Variants in NME2 observed in about 807,000 individuals in gnomAD.
The protein encoded by NME2 is nucleoside diphosphate kinase B.
NME2 carries 18 observed loss-of-function variants against 17.8 expected under a neutral mutation model. The ratio of observed to expected loss-of-function variants is 1.01; its 90% CI spans 0.70 to 1.50. The LOEUF is 1.50. Among genes scored for constraint, NME2 ranks in the 40% most tolerant of loss-of-function variants. The pLI, the probability that NME2 is intolerant of heterozygous loss-of-function variation, is 0.00. For missense variants in NME2, 161 were observed against 195.6 expected, an observed-to-expected ratio of 0.82 and a Z score of 1.05; for synonymous variants, 74 against 71.4, an observed-to-expected ratio of 1.04 and a Z score of -0.19.
chr17:51,166,245 T>A (rs2049932240), upstream of NME2: 1 of 152,188 alleles, frequency 6.6e-6, no homozygotes, highest in Non-Finnish European at 1.5e-5. Flanking sequence ...AGGAATCACT[T>A]CCTGTCTCTG....
chr17:51,170,860 G>A (rs2050057111), intron 4 of NME2, among the ~76,000 whole-genome samples: 1 of 151,938 alleles, frequency 6.6e-6, no homozygotes, highest in Non-Finnish European at 1.5e-5. Flanking sequence ...AGACAACAAG[G>A]GAGCCATAAG....
chr17:51,168,290 C>G lies in NME2; in HGVS notation c.175C>G (p.Pro59Ala). The G allele has an allele frequency of 6.2e-7, 1 of 1,614,010 alleles. No homozygotes were observed. Among genetic ancestry groups the G allele is most frequent in the Non-Finnish European group, 8.5e-7 (1 of 1,179,954 alleles). The part of the protein sequence containing the change: ...KQHYIDLKDR[P>A]FFPGLVKYMN... ...GCACTACATTGACCTGAAAGACCGACCATTCTTCCCTGGGCTGGTGAAGTA... is the reference window on the plus strand; with the variant it reads ...GCACTACATTGACCTGAAAGACCGAGCATTCTTCCCTGGGCTGGTGAAGTA... The change falls in exon 3 of 5, where the codon CCA (proline) becomes GCA (alanine). Residue 59 changes from proline (P) to alanine (A), a missense_variant. Transcript: ENST00000512737.
intron 2 of NME2, 173 bp downstream of exon 2, chr17:51,167,129 T>G (rs1183561077): frequency 5.7e-6 from 8 of 1,401,580 alleles, no homozygotes; most frequent in Non-Finnish European, 6.6e-6. Context: ...CCCGGGGTGG[T>G]GGGGACAGAC....
chr17:51,166,812 C>A lies in NME2; in HGVS notation c.-4-15C>A, dbSNP rs199806386. ...AGCCTGCGCCCGGGCCCTGACCGCA[C>A]CTCTCGCCCCGCAGGACCATGGCCA... On this transcript the variant is annotated splice_polypyrimidine_tract_variant and intron_variant, in intron 1 of 4. Transcript: ENST00000512737. 1.2e-6 allele frequency: 2 copies of A among 1,604,740 alleles called. No individual in the cohort carries two copies. Among genetic ancestry groups the A allele is most frequent in the East Asian group, 4.5e-5 (2 of 44,244 alleles).
chr17:51,167,556 C>T (rs1224030794), intron 2 of NME2, among the ~76,000 whole-genome samples: 1 of 152,182 alleles, frequency 6.6e-6, no homozygotes, highest in Non-Finnish European at 1.5e-5. Flanking sequence ...AACATGACCT[C>T]TGCCAGGCAG....
intron 3 of NME2, 50 bp downstream of exon 3, chr17:51,168,393 T>A: frequency 6.3e-7 from 1 of 1,584,632 alleles, no homozygotes. Context: ...TGCTCAGTGT[T>A]CTTTGTTAGA....
intron 4 of NME2, among the ~76,000 whole-genome samples, chr17:51,170,526 G>A (rs924200960): frequency 2.0e-5 from 3 of 151,706 alleles, no homozygotes; most frequent in Admixed American, 6.6e-5. Flanking sequence ...AGGGGTTTAC[G>A]CCTGTAATCC....
At chr17:51,167,990 C>CGA in intron 2 of NME2, 1 of 240,486 alleles carries the variant, frequency 4.2e-6, no homozygotes, top group Non-Finnish European at 8.1e-6. Context: ...GACCCTGTCT[C>CGA]CTAAAACAAA....
intron 4 of NME2, among the ~76,000 whole-genome samples, 159 bp from the exon 5 acceptor site, chr17:51,171,328 T>C (rs989640963): frequency 6.6e-6 from 1 of 152,228 alleles, no homozygotes; most frequent in African/African-American, 2.4e-5. Context: ...TACAGTTGTA[T>C]AGCTGCTTTT....
upstream of NME2, chr17:51,166,199 G>C (rs1319852883): frequency 2.0e-5 from 3 of 152,796 alleles, no homozygotes; most frequent in Non-Finnish European, 4.4e-5. Context: ...GATTTGGGAC[G>C]TGCGTAGTTG....
At chr17:51,166,115 CTGTGTGTGTGTGTGTGTG>C (rs34942810), upstream of NME2, among the ~76,000 whole-genome samples, 1 of 148,860 alleles carries the variant, frequency 6.7e-6, no homozygotes, top group Non-Finnish European at 1.5e-5. Flanking sequence ...GGAGCAGGTT[CTGTGTGTGTGTGTGTGTG>C]TGTGTGTGTG....
At chr17:51,170,747 A>C (rs2050053766) in intron 4 of NME2, among the ~76,000 whole-genome samples, 1 of 149,414 alleles carries the variant, frequency 6.7e-6, no homozygotes, top group Non-Finnish European at 1.5e-5. Context: ...AGATCACGCC[A>C]CTGCACTCCA....
At chr17:51,167,105 C>T in intron 2 of NME2, 149 bp downstream of exon 2, 1 of 1,497,030 alleles carries the variant, frequency 6.7e-7, no homozygotes, top group Middle Eastern at 2.2e-4. Flanking sequence ...GCGGCTTGGG[C>T]CCGCCGACCC....
chr17:51,170,787 CAAAA>C (rs34260519), intron 4 of NME2, among the ~76,000 whole-genome samples: 3 of 64,330 alleles, frequency 4.7e-5, no homozygotes, highest in Non-Finnish European at 7.6e-5. Context: ...AACTCCGTCT[CAAAA>C]AAAAAAAAAA....
chr17:51,166,677 C>A (rs2049946098), intron 1 of NME2, 150 bp from the exon 2 acceptor site: 2 of 744,790 alleles, frequency 2.7e-6, no homozygotes, highest in East Asian at 4.1e-5. Context: ...CAGAGGGACG[C>A]CGGCCCTGCG....
At chr17:51,170,142 CTT>C (rs112707943) in intron 4 of NME2, 93 bp downstream of exon 4, 26,601 of 602,710 alleles carry the variant, frequency 0.044, 123 homozygotes, top group African/African-American at 0.087. Context: ...AATCTGTGCC[CTT>C]TTTTTTTTTT....
At position 51,169,935 on chromosome 17, in the gene NME2, A is replaced by C. The variant is rs1358517712; in HGVS notation, c.229-2A>C. ...TTATAAATCCATTTTCACACTTTCG[A>C]GGTCTGGGAGGGGCTGAACGTGGTG... On this transcript the variant is annotated splice_acceptor_variant, in intron 3 of 4. Coordinates refer to ENST00000512737, the MANE Select transcript of NME2 (RefSeq NM_002512.4). LOFTEE classifies it high-confidence loss of function. 8.7e-6 allele frequency: 14 copies of C among 1,613,062 alleles called. No individual in the cohort carries two copies. The highest frequency in any genetic ancestry group is 1.0e-5 in the Non-Finnish European group (12 of 1,179,662).
At chr17:51,168,365 G>C in intron 3 of NME2, 22 bp downstream of exon 3, 1 of 1,611,060 alleles carries the variant, frequency 6.2e-7, no homozygotes, top group Non-Finnish European at 8.5e-7. Flanking sequence ...TGGGGAATGA[G>C]AGAAAATGAG....
At position 51,171,663 on chromosome 17, in the gene NME2, C is replaced by G. The variant is rs1052540638; in HGVS notation, c.*59C>G. 2.4e-6 allele frequency: 3 copies of G among 1,276,224 alleles called. No individual in the cohort carries two copies. In the African/African-American group the frequency reaches 4.4e-5, roughly 19 times the overall value. 79.1% of individuals were successfully genotyped at this position (1,276,224 alleles called of 1,614,324 possible). A position where few individuals can be genotyped will look rare whatever the true frequency, so the allele number is the denominator to read the frequency against. On this transcript the variant is annotated 3_prime_UTR_variant, in exon 5 of 5. Transcript: ENST00000512737. ...GCGTGGTGTGTCCCTGGACACAGCT[C>G]TTCATTCCATTGACTTAGAGGCAAC...
Sources: allele counts gnomAD v4.1 joint callset (sites outside exome capture counted in the v4.1 genomes callset), GRCh38; gene constraint gnomAD v4.1.1; transcripts MANE v1.5; gene names NCBI Gene and HGNC (gene_info 2026-07-23, HGNC 2026-07-21).